DAB2IP: variants seen among roughly 807,000 people sequenced by gnomAD.
DAB2IP encodes the protein disabled homolog 2-interacting protein.
A neutral mutation model predicts 107.2 loss-of-function variants in DAB2IP; 28 were observed. The ratio of observed to expected loss-of-function variants is 0.26; its 90% CI spans 0.19 to 0.36. DAB2IP has a LOEUF of 0.36. Among genes scored for constraint, DAB2IP ranks in the 10% least tolerant of loss-of-function variants. The pLI is 1.00. For missense variants in DAB2IP, 1,400 were observed against 1,644.7 expected (o/e 0.85, Z 2.57); for synonymous variants, 755 against 706.4 (o/e 1.07, Z -1.09).
At chr9:121,613,062 G>A (rs1589407841) in intron 1 of DAB2IP, among the ~76,000 whole-genome samples, 1 of 152,334 alleles carries the variant, frequency 6.6e-6, no homozygotes, top group Middle Eastern at 3.4e-3. Flanking sequence ...AGGAAACAGA[G>A]GGATGTGGAA....
chr9:121,748,209 A>AG (rs1212489208), intron 3 of DAB2IP, among the ~76,000 whole-genome samples: 5 of 152,312 alleles, frequency 3.3e-5, no homozygotes, highest in African/African-American at 1.2e-4. Context: ...GGCACCTAGA[A>AG]GGGGGAGGAA....
chr9:121,658,687 C>A (rs1833070914), intron 1 of DAB2IP, among the ~76,000 whole-genome samples: 1 of 152,182 alleles, frequency 6.6e-6, no homozygotes, highest in Admixed American at 6.5e-5. Context: ...AAAAAGTAGA[C>A]TCGATACTCA....
At chr9:121,779,779 G>A (rs557065933) in intron 14 of DAB2IP, among the ~76,000 whole-genome samples, 41 of 152,290 alleles carry the variant, frequency 2.7e-4, no homozygotes, top group African/African-American at 8.7e-4. Context: ...ATCTGCATGC[G>A]GATATTATTC....
intron 1 of DAB2IP, among the ~76,000 whole-genome samples, chr9:121,669,828 T>A (rs1038948482): frequency 2.0e-4 from 30 of 152,196 alleles, no homozygotes; most frequent in African/African-American, 7.0e-4. Flanking sequence ...TGAGGTTGTG[T>A]CTTTTGCGAT....
intron 1 of DAB2IP, among the ~76,000 whole-genome samples, chr9:121,631,964 C>T (rs552297083): frequency 4.6e-5 from 7 of 151,738 alleles, no homozygotes; most frequent in Non-Finnish European, 7.4e-5. Context: ...AGAGGATGGG[C>T]GGGAGGCTGG....
At chr9:121,602,384 G>A (rs1281361822) in intron 1 of DAB2IP, among the ~76,000 whole-genome samples, 1 of 152,016 alleles carries the variant, frequency 6.6e-6, no homozygotes, top group Non-Finnish European at 1.5e-5. Flanking sequence ...CTTAGACGAG[G>A]CCCTCGTGCT....
chr9:121,570,934 C>T (rs927842046), intron 1 of DAB2IP, among the ~76,000 whole-genome samples: 10 of 152,064 alleles, frequency 6.6e-5, no homozygotes, highest in Non-Finnish European at 1.5e-4. Flanking sequence ...TGCTGCTGCC[C>T]ACAGGGTCCC....
chr9:121,708,676 A>C (rs550336294), intron 3 of DAB2IP, among the ~76,000 whole-genome samples: 2 of 152,340 alleles, frequency 1.3e-5, no homozygotes, highest in Non-Finnish European at 2.9e-5. Flanking sequence ...GCAGGTGGGG[A>C]AACTGAGGTT....
intron 3 of DAB2IP, among the ~76,000 whole-genome samples, chr9:121,738,134 G>A (rs75927331): frequency 3.3e-5 from 5 of 152,168 alleles, no homozygotes; most frequent in Admixed American, 6.5e-5. Context: ...GGTGTCCAGC[G>A]GCCTGGCTGC....
intron 1 of DAB2IP, among the ~76,000 whole-genome samples, chr9:121,622,710 G>A (rs1831516204): frequency 6.6e-6 from 1 of 152,274 alleles, no homozygotes; most frequent in South Asian, 2.1e-4. Context: ...ATTAACAGAT[G>A]TCAATTGTTA....
chr9:121,701,492 T>C lies in DAB2IP; in HGVS notation c.362+2034T>C, dbSNP rs1829781162. 6.6e-6 allele frequency among the ~76,000 whole-genome samples: 1 copy of C among 152,198 alleles called. No individual in the cohort carries two copies. Among genetic ancestry groups the C allele is most frequent in the African/African-American group, 2.4e-5 (1 of 41,454 alleles). Reference sequence around the variant, plus strand: ...GTGTGGAATTGTCTTATTAATTTTCTATAAACAAAATATGGCTTGGTGGCC... The same window carrying C: ...GTGTGGAATTGTCTTATTAATTTTCCATAAACAAAATATGGCTTGGTGGCC... On this transcript the variant is annotated intron_variant, in intron 3 of 15. Coordinates refer to ENST00000408936, the Ensembl canonical transcript of DAB2IP. The surrounding 1 kb of genome is among the most constrained non-coding windows in gnomAD (Gnocchi z 4.7).
chr9:121,670,958 CTGGCCAACATGG>C, intron 1 of DAB2IP, among the ~76,000 whole-genome samples: 1 of 152,180 alleles, frequency 6.6e-6, no homozygotes, highest in Non-Finnish European at 1.5e-5. Context: ...CGAGACCATC[CTGGCCAACATGG>C]TGAAACCCCG....
At chr9:121,596,457 G>A (rs892072361) in intron 1 of DAB2IP, among the ~76,000 whole-genome samples, 1 of 152,220 alleles carries the variant, frequency 6.6e-6, no homozygotes, top group African/African-American at 2.4e-5. Flanking sequence ...CGAGGCCGCA[G>A]TGAGCTATGA....
At chr9:121,743,470 G>C (rs1209018610) in intron 3 of DAB2IP, among the ~76,000 whole-genome samples, 1 of 152,034 alleles carries the variant, frequency 6.6e-6, no homozygotes, top group African/African-American at 2.4e-5. Context: ...TAGGAAAAAG[G>C]GACCTGTACC....
chr9:121,612,482 G>A (rs1462740466), intron 1 of DAB2IP, among the ~76,000 whole-genome samples: 3 of 152,152 alleles, frequency 2.0e-5, no homozygotes, highest in Non-Finnish European at 2.9e-5. Flanking sequence ...TCTTTAAGGT[G>A]CTTGAAATTT....
chr9:121,713,819 T>C (rs1830457081), intron 3 of DAB2IP, among the ~76,000 whole-genome samples: 1 of 152,208 alleles, frequency 6.6e-6, no homozygotes, highest in South Asian at 2.1e-4. Context: ...AGGTACTGCA[T>C]TGCCACACCT....
At chr9:121,720,780 C>T (rs574219741) in intron 3 of DAB2IP, among the ~76,000 whole-genome samples, 5 of 152,184 alleles carry the variant, frequency 3.3e-5, no homozygotes, top group Admixed American at 2.0e-4. Flanking sequence ...CCTCAGGGCT[C>T]CACCCAGCAG....
At chr9:121,606,587 G>C (rs1224593866) in intron 1 of DAB2IP, among the ~76,000 whole-genome samples, 1 of 152,056 alleles carries the variant, frequency 6.6e-6, no homozygotes, top group Non-Finnish European at 1.5e-5. Context: ...CACGGGCAGG[G>C]CTCAGAGTGG....
At chr9:121,783,261 C>T (rs1835786689) in exon 16 of DAB2IP, 2 of 1,334,422 alleles carry the variant, frequency 1.5e-6, no homozygotes, top group Non-Finnish European at 1.9e-6. Flanking sequence ...GGAGGACCCA[C>T]AGCTTCCCAC....
Sources: gnomAD v4.1 joint callset for allele counts (sites outside exome capture counted in the v4.1 genomes callset) on GRCh38, gnomAD v4.1.1 for gene constraint, Gnocchi (gnomAD v3.1) non-coding constraint, MANE v1.5 for transcripts, NCBI Gene and HGNC (gene_info 2026-07-23, HGNC 2026-07-21) for gene names.